The following TP53BP2 variants were observed in gnomAD, a reference collection of about 807,000 sequenced individuals.
TP53BP2 encodes the protein tumor protein p53 binding protein 2.
In TP53BP2, 62 loss-of-function variants were observed where a neutral mutation model predicts 126.2. That is an observed-to-expected ratio of 0.49 (90% CI 0.40 to 0.61). The LOEUF is 0.61. TP53BP2 is among the 20% of genes least tolerant of loss of function. TP53BP2 has a pLI of 0.00. For missense variants in TP53BP2, 1,215 were observed against 1,402.8 expected, an observed-to-expected ratio of 0.87 and a Z score of 2.14; for synonymous variants, 485 against 502.9, an observed-to-expected ratio of 0.96 and a Z score of 0.48.
chr1:223,806,824 C>CAA, intron 5 of TP53BP2, 22 bp downstream of exon 5: 2 of 1,546,428 alleles, frequency 1.3e-6, no homozygotes, highest in Non-Finnish European at 1.8e-6. Context: ...CATTCATCTC[C>CAA]AAAAAAAAAG....
At position 223,797,798 on chromosome 1, in the gene TP53BP2, A is replaced by G. The variant is rs111355793; in HGVS notation, c.1948+417T>C. Among the ~76,000 whole-genome samples, 226 of 152,018 alleles carry G rather than the reference A, an allele frequency of 1.5e-3. 2 individuals are homozygous for G. Among genetic ancestry groups the G allele is most frequent in the African/African-American group, 4.9e-3 (204 of 41,472 alleles). ...GTGTGTGATGTGTGTGTGTGTATAT[A>G]TATCTATATATACATGTCTACGTAT... On this transcript the variant is annotated intron_variant, in intron 12 of 17. Transcript: ENST00000343537.
chr1:223,790,070 G>T (rs748168621), intron 15 of TP53BP2, among the ~76,000 whole-genome samples: 84 of 151,802 alleles, frequency 5.5e-4, no homozygotes, highest in Non-Finnish European at 1.6e-4. Context: ...TCAGGAGTTT[G>T]AGACCAGCCT....
At chr1:223,782,977 G>C (rs939058453) in intron 17 of TP53BP2, among the ~76,000 whole-genome samples, 2 of 152,172 alleles carry the variant, frequency 1.3e-5, no homozygotes, top group African/African-American at 2.4e-5. Context: ...GTGTGGAAGG[G>C]AGAGTCAGGG....
Position 223,804,030 on chromosome 1 carries a change from C to A in TP53BP2, c.649+144G>T, listed in dbSNP as rs1662625927. ...CAACCATGGTGGCTTGCACCTGTAACCCCAGCTACTCAGGAGGCTGAGGTG... is the reference window on the plus strand; with the variant it reads ...CAACCATGGTGGCTTGCACCTGTAAACCCAGCTACTCAGGAGGCTGAGGTG... On this transcript the variant is annotated intron_variant, in intron 6 of 17. Transcript: ENST00000343537. 8.8e-6 allele frequency: 7 copies of A among 793,730 alleles called. No homozygotes were observed. In the South Asian group the frequency reaches 1.3e-4, roughly 15 times the overall value. 49.2% of individuals were successfully genotyped at this position (793,730 alleles called of 1,614,324 possible).
rs766052831 is a variant in TP53BP2, at chr1:223,802,248, T to A, written c.1093A>T (p.Met365Leu). Residue 365 changes from methionine (M) to leucine (L), a missense_variant, in exon 9 of 18, where the codon ATG (methionine) becomes TTG (leucine). This residue lies in a region of TP53BP2 where 814 missense variants were observed against 853.0 expected (regional missense o/e 0.95). Transcript: ENST00000343537. ...ACCAGCAATTCAGGCCTTGAGGGCA[T>A]CCGAGGCATAGTAGACGACTGGATA... The part of the protein sequence containing the change: ...PYIQSSTMPR[M>L]PSRPELLVKP... The A allele has an allele frequency of 1.2e-6, 2 of 1,614,188 alleles. No individual in the cohort carries two copies. Among genetic ancestry groups the A allele is most frequent in the South Asian group, 1.1e-5 (1 of 91,084 alleles).
intron 1 of TP53BP2, 74 bp from the exon 2 acceptor site, chr1:223,821,441 TC>T (rs765989083): frequency 2.5e-6 from 4 of 1,594,894 alleles, no homozygotes; most frequent in Non-Finnish European, 3.4e-6. Flanking sequence ...AATTCCTTTC[TC>T]CAAACAAAAT....
intron 16 of TP53BP2, among the ~76,000 whole-genome samples, chr1:223,786,978 C>T (rs1248210701): frequency 6.6e-6 from 1 of 150,752 alleles, no homozygotes; most frequent in Non-Finnish European, 1.5e-5. Flanking sequence ...CTCACTGCAA[C>T]CTCCGCCTCC....
chr1:223,843,892 C>G (rs1371189842), intron 1 of TP53BP2, among the ~76,000 whole-genome samples: 1 of 152,108 alleles, frequency 6.6e-6, no homozygotes, highest in Non-Finnish European at 1.5e-5. Context: ...TTTTATATAT[C>G]ACAAATCTGA....
At position 223,780,062 on chromosome 1, in the gene TP53BP2, A is replaced by G. The variant is rs1447537409; in HGVS notation, c.*791T>C. On this transcript the variant is annotated 3_prime_UTR_variant, in exon 18 of 18. Coordinates refer to ENST00000343537, the MANE Select transcript of TP53BP2 (RefSeq NM_001031685.3). ...CTATTAAACAAGGTCTATTTATGACATCAAAAACAAAAACCAGTAAACAGC... is the reference window on the plus strand; with the variant it reads ...CTATTAAACAAGGTCTATTTATGACGTCAAAAACAAAAACCAGTAAACAGC... 6.6e-6 allele frequency: 1 copy of G among 152,246 alleles called. No individual in the cohort carries two copies. The highest frequency in any genetic ancestry group is 1.9e-4 in the East Asian group (1 of 5,206). The allele number at this position is 152,246 out of a possible 1,614,324, so 9.4% of individuals were successfully genotyped here.
chr1:223,845,210 T>C, intron 1 of TP53BP2: 1 of 983,294 alleles, frequency 1.0e-6, no homozygotes, highest in Non-Finnish European at 1.2e-6. Flanking sequence ...AAGATCGAAA[T>C]TCAATTAAAA....
intron 4 of TP53BP2, among the ~76,000 whole-genome samples, chr1:223,810,205 ATTTAT>A (rs1437195603): frequency 6.6e-6 from 1 of 152,218 alleles, no homozygotes; most frequent in African/African-American, 2.4e-5. Context: ...CTTGCTCAGC[ATTTAT>A]TTTGTCTGAA....
At chr1:223,781,739 G>T (rs1661785287) in intron 17 of TP53BP2, among the ~76,000 whole-genome samples, 1 of 151,904 alleles carries the variant, frequency 6.6e-6, no homozygotes, top group Admixed American at 6.6e-5. Flanking sequence ...CTGAAAAAAA[G>T]ACATTTAGCT....
intron 16 of TP53BP2, among the ~76,000 whole-genome samples, chr1:223,786,560 A>ATG (rs752458486): frequency 1.4e-5 from 2 of 145,422 alleles, no homozygotes; most frequent in African/African-American, 2.6e-5. Flanking sequence ...CATTATATAT[A>ATG]TGTGTGTGTG....
chr1:223,785,724 A>G (rs1285594536), intron 16 of TP53BP2, among the ~76,000 whole-genome samples: 1 of 152,236 alleles, frequency 6.6e-6, no homozygotes, highest in Admixed American at 6.5e-5. Flanking sequence ...AATTCTCATT[A>G]CTTTGCTATT....
intron 16 of TP53BP2, among the ~76,000 whole-genome samples, chr1:223,786,376 CTG>C (rs1301901268): frequency 8.5e-5 from 13 of 152,254 alleles, no homozygotes; most frequent in African/African-American, 3.1e-4. Context: ...CAATTACTCA[CTG>C]TGTGTAATCT....
intron 16 of TP53BP2, among the ~76,000 whole-genome samples, chr1:223,786,573 C>CGTGT (rs915377016): frequency 2.4e-5 from 3 of 127,332 alleles, no homozygotes; most frequent in Admixed American, 7.6e-5. Context: ...TGTGTGTGTG[C>CGTGT]GTGTGTGCGT....
rs772780478 is a variant in TP53BP2 at position 223,795,989 on chromosome 1, G to A, written c.2550C>T (p.Leu850=). 1.1e-5 allele frequency: 17 copies of A among 1,613,958 alleles called. No individual in the cohort carries two copies. Among genetic ancestry groups the A allele is most frequent in the Non-Finnish European group, 1.1e-5 (13 of 1,180,002 alleles). ...PEGVPDNSPN[L]QNNPEEPNPE... Reference sequence around the variant, plus strand: ...GATTTGGTTCTTCTGGGTTATTCTGGAGATTTGGGCTGTTGTCTGGGACTC... The same window carrying A: ...GATTTGGTTCTTCTGGGTTATTCTGAAGATTTGGGCTGTTGTCTGGGACTC... Residue 850 remains leucine (L), a synonymous_variant, in exon 13 of 18, where the codon CTC becomes CTT. Transcript: ENST00000343537.
At chr1:223,790,929 G>C (rs1480654025) in intron 15 of TP53BP2, among the ~76,000 whole-genome samples, 3 of 152,018 alleles carry the variant, frequency 2.0e-5, no homozygotes, top group African/African-American at 7.2e-5. Flanking sequence ...AAATAGTTTG[G>C]CAAATATTAC....
intron 1 of TP53BP2, among the ~76,000 whole-genome samples, chr1:223,842,003 G>C (rs111394095): frequency 6.7e-6 from 1 of 149,508 alleles, no homozygotes; most frequent in African/African-American, 2.5e-5. Context: ...TTCAAGATTC[G>C]CGATCTCGGC....
Sources: gnomAD v4.1 joint callset for allele counts (sites outside exome capture counted in the v4.1 genomes callset) on GRCh38, gnomAD v4.1.1 for gene constraint, gnomAD v4.1.1 regional missense constraint, MANE v1.5 for transcripts, NCBI Gene and HGNC (gene_info 2026-07-23, HGNC 2026-07-21) for gene names.